ADK: variants seen among roughly 807,000 people sequenced by gnomAD.
ADK encodes N6,N6-dimethyladenosine kinase.
Under a neutral mutation model 44.7 loss-of-function variants are expected in ADK, and 24 were observed. The ratio of observed to expected loss-of-function variants is 0.54; its 90% CI spans 0.39 to 0.76. The LOEUF (loss-of-function observed/expected upper bound fraction) is 0.76, where lower values mean the gene tolerates loss of function less well. Ranked by LOEUF, ADK falls within the 30% of genes least tolerant of loss-of-function variation. The pLI, the probability that ADK is intolerant of heterozygous loss-of-function variation, is 0.00. For synonymous variants in ADK, 128 were observed against 142.6 expected (o/e 0.90, Z 0.73); for missense variants, 321 against 425.1 (o/e 0.76, Z 2.15).
chr10:74,571,863 T>C (rs2133858735), intron 7 of ADK, among the ~76,000 whole-genome samples: 1 of 152,342 alleles, frequency 6.6e-6, no homozygotes, highest in South Asian at 2.1e-4. Flanking sequence ...TCTAGTTCTT[T>C]TAATTGTGAT....
At chr10:74,314,597 C>T in intron 3 of ADK, 70 bp from the exon 4 acceptor site, 1 of 967,488 alleles carries the variant, frequency 1.0e-6, no homozygotes, top group Non-Finnish European at 1.7e-6. Context: ...TACTCTTCTG[C>T]TCAGAAAAGT....
chr10:74,532,057 TAA>T (rs1849307621), intron 7 of ADK, among the ~76,000 whole-genome samples: 1 of 152,156 alleles, frequency 6.6e-6, no homozygotes, highest in Non-Finnish European at 1.5e-5. Flanking sequence ...AACAATATAT[TAA>T]AAGAGTAATT....
At chr10:74,527,635 T>C (rs1131990) in intron 7 of ADK, 88 of 806,494 alleles carry the variant, frequency 1.1e-4, no homozygotes, top group Non-Finnish European at 1.8e-4. Flanking sequence ...AGGAATCTTA[T>C]GGCCTCTGAA....
chr10:74,177,172 T>C (rs1842373273), intron 1 of ADK, among the ~76,000 whole-genome samples: 1 of 151,856 alleles, frequency 6.6e-6, no homozygotes, highest in Non-Finnish European at 1.5e-5. Flanking sequence ...GGATTTCCCA[T>C]GAAAAATGTG....
At chr10:74,642,728 T>C (rs548445797) in intron 9 of ADK, among the ~76,000 whole-genome samples, 4 of 152,220 alleles carry the variant, frequency 2.6e-5, no homozygotes, top group Admixed American at 6.5e-5. Flanking sequence ...ATATATACTT[T>C]TACATTTATT....
intron 7 of ADK, among the ~76,000 whole-genome samples, chr10:74,554,934 A>G (rs1850186615): frequency 6.6e-6 from 1 of 152,226 alleles, no homozygotes; most frequent in African/African-American, 2.4e-5. Context: ...GTGGTAAGCA[A>G]TTCAGTTAAT....
At chr10:74,535,818 A>C (rs1334275149) in intron 7 of ADK, among the ~76,000 whole-genome samples, 1 of 152,090 alleles carries the variant, frequency 6.6e-6, no homozygotes, top group African/African-American at 2.4e-5. Context: ...CCTGGCCTCA[A>C]GTGATTTTGA....
intron 4 of ADK, among the ~76,000 whole-genome samples, chr10:74,322,645 TAGATC>T (rs1840855605): frequency 6.6e-6 from 1 of 152,176 alleles, no homozygotes; most frequent in South Asian, 2.1e-4. Flanking sequence ...TATTATAACT[TAGATC>T]AGATTCTTTA....
intron 8 of ADK, among the ~76,000 whole-genome samples, chr10:74,593,139 T>C (rs1425547581): frequency 6.6e-6 from 1 of 151,876 alleles, no homozygotes; most frequent in African/African-American, 2.4e-5. Context: ...TCACTCAGAG[T>C]TTCAGAGTTT....
intron 4 of ADK, among the ~76,000 whole-genome samples, chr10:74,387,294 A>G (rs907030271): frequency 1.1e-4 from 16 of 152,222 alleles, no homozygotes; most frequent in Non-Finnish European, 2.2e-4. Flanking sequence ...ATACTGTGCG[A>G]AACTGAATCT....
intron 7 of ADK, among the ~76,000 whole-genome samples, chr10:74,577,978 A>G (rs528825640): frequency 2.6e-5 from 4 of 152,194 alleles, no homozygotes; most frequent in African/African-American, 9.6e-5. Flanking sequence ...TCAAGAGTGA[A>G]TTTTGTAAAA....
At chr10:74,708,155 A>G (rs1445826727) in intron 10 of ADK, among the ~76,000 whole-genome samples, 166 bp from the exon 11 acceptor site, 2 of 146,600 alleles carry the variant, frequency 1.4e-5, no homozygotes, top group African/African-American at 5.1e-5. Context: ...ATCTCGGGGA[A>G]AAAAAAAAAA....
intron 3 of ADK, among the ~76,000 whole-genome samples, chr10:74,288,784 G>T (rs1459641023): frequency 6.6e-6 from 1 of 152,184 alleles, no homozygotes. Flanking sequence ...ATCTCTTTAT[G>T]TACCTCTGGA....
intron 8 of ADK, among the ~76,000 whole-genome samples, chr10:74,595,193 A>C (rs1186582205): frequency 6.7e-6 from 1 of 149,902 alleles, no homozygotes; most frequent in Non-Finnish European, 1.5e-5. Context: ...AAAAAAAAAA[A>C]AAAAGGCTCT....
At chr10:74,503,626 C>G (rs746177105) in intron 6 of ADK, among the ~76,000 whole-genome samples, 83 of 152,114 alleles carry the variant, frequency 5.5e-4, no homozygotes, top group Non-Finnish European at 1.0e-3. Context: ...ACCTTAGACA[C>G]TGCATTTTGA....
chr10:74,426,031 A>G (rs907452987), intron 6 of ADK, among the ~76,000 whole-genome samples: 4 of 152,162 alleles, frequency 2.6e-5, no homozygotes, highest in African/African-American at 9.7e-5. Context: ...TTTGAGAAAT[A>G]GAGAAAAGTA....
At chr10:74,467,861 T>C (rs1846418399) in intron 6 of ADK, among the ~76,000 whole-genome samples, 1 of 152,176 alleles carries the variant, frequency 6.6e-6, no homozygotes, top group Non-Finnish European at 1.5e-5. Flanking sequence ...TTCATTTCTA[T>C]TAAATATTTT....
At chr10:74,414,910 A>AT (rs374503406) in intron 6 of ADK, among the ~76,000 whole-genome samples, 4 of 152,270 alleles carry the variant, frequency 2.6e-5, no homozygotes, top group African/African-American at 9.6e-5. Flanking sequence ...CTTAACTCTT[A>AT]TTTTTGGCAG....
intron 10 of ADK, among the ~76,000 whole-genome samples, chr10:74,706,840 G>A (rs573256053): frequency 2.6e-5 from 4 of 152,238 alleles, no homozygotes; most frequent in Admixed American, 2.6e-4. Context: ...CTGCAGAACT[G>A]ATAATATTGA....
Sources: allele counts gnomAD v4.1 joint callset (sites outside exome capture counted in the v4.1 genomes callset), GRCh38; gene constraint gnomAD v4.1.1; transcripts MANE v1.5; gene names NCBI Gene and HGNC (gene_info 2026-07-23, HGNC 2026-07-21).